The following SSC5D variants were observed in gnomAD, a reference collection of about 807,000 sequenced individuals.
SSC5D encodes the protein soluble scavenger receptor cysteine-rich domain-containing protein SSC5D.
Under a neutral mutation model 104.6 loss-of-function variants are expected in SSC5D, and 106 were observed. That is an observed-to-expected ratio of 1.01 (90% CI 0.87 to 1.19). The LOEUF is 1.19. Ranked by LOEUF, SSC5D falls within the 50% of genes most tolerant of loss-of-function variation. SSC5D has a pLI of 0.00. For missense variants in SSC5D, 1,993 were observed against 2,153.8 expected (o/e 0.93, Z 1.48); for synonymous variants, 860 against 883.5 (o/e 0.97, Z 0.47).
chr19:55,499,016 A>G (rs1350163177), intron 9 of SSC5D, among the ~76,000 whole-genome samples: 1 of 152,216 alleles, frequency 6.6e-6, no homozygotes, highest in Non-Finnish European at 1.5e-5. Context: ...AAGTGGGACA[A>G]CACACATGAG....
In SSC5D at chr19:55,490,348, C is replaced by G; in HGVS notation, c.526C>G (p.Arg176Gly). 2 of 1,515,164 alleles carry G rather than the reference C, an allele frequency of 1.3e-6. No individual in the cohort carries two copies. The highest frequency in any genetic ancestry group is 2.0e-5 in the Admixed American group (1 of 49,388). The allele number at this position is 1,515,164 out of a possible 1,614,324, so 93.9% of individuals were successfully genotyped here. Residue 176 changes from arginine (R) to glycine (G), a missense_variant, in exon 5 of 14, where the codon CGG (arginine) becomes GGG (glycine). Transcript: ENST00000389623. Reference sequence around the variant, plus strand: ...GAACGCCTCCCGGAAGAAGAGCCCCCGGCCCAAGCAGGCCAAGTCCACCCG... The same window carrying G: ...GAACGCCTCCCGGAAGAAGAGCCCCGGGCCCAAGCAGGCCAAGTCCACCCG... ...PQNASRKKSP[R>G]PKQAKSTRAP...
chr19:55,493,987 C>CGAG, intron 7 of SSC5D, 75 bp downstream of exon 7: 1 of 206,422 alleles, frequency 4.8e-6, no homozygotes, highest in South Asian at 1.1e-4. Context: ...TCGGCGGGGG[C>CGAG]GGGGGGGTCC....
In SSC5D at chr19:55,500,360, G is replaced by A. The variant is rs1211782260; in HGVS notation, c.2250G>A (p.Glu750=). The A allele has an allele frequency of 5.8e-6, 9 of 1,551,338 alleles. No individual in the cohort carries two copies. The East Asian group carries it at 2.0e-4, about 34-fold the overall frequency. Residue 750 remains glutamate (E), a synonymous_variant, in exon 10 of 14, where the codon GAG becomes GAA. Coordinates refer to ENST00000389623, the MANE Select transcript of SSC5D (RefSeq NM_001144950.2). The surrounding 1 kb of genome is among the most constrained non-coding windows in gnomAD (Gnocchi z 4.6). ...CTGAGATCCCAGAAGGGTCTCCAGA[G>A]TCACCCAAAGACCCGGCCCCCTCTC... The part of the protein sequence containing the change: ...PSAEIPEGSP[E]SPKDPAPSPS...
At chr19:55,505,806 G>A (rs1056836541) in intron 12 of SSC5D, among the ~76,000 whole-genome samples, 3 of 151,574 alleles carry the variant, frequency 2.0e-5, no homozygotes, top group African/African-American at 7.3e-5. Context: ...GTATGATCTC[G>A]GCTCACTGCA....
chr19:55,518,440 C>G lies in SSC5D; in HGVS notation c.4164C>G (p.Ala1388=). The G allele has an allele frequency of 6.4e-7, 1 of 1,551,384 alleles. No individual in the cohort carries two copies. The highest frequency in any genetic ancestry group is 8.7e-7 in the Non-Finnish European group (1 of 1,146,962). The change falls in exon 14 of 14, where the codon GCC becomes GCG. Residue 1388 remains alanine (A), a synonymous_variant. Coordinates refer to ENST00000389623, the MANE Select transcript of SSC5D (RefSeq NM_001144950.2). ...SQIPTLEPSP[A]LESSPSRSST... is the part of the protein sequence containing the mutation. ...TACCCACCTTAGAGCCCTCTCCAGC[C>G]TTGGAGTCCAGCCCCTCCAGGTCCT...
intron 6 of SSC5D, chr19:55,491,286 T>C (rs1439601474): frequency 1.1e-5 from 7 of 631,168 alleles, no homozygotes; most frequent in Non-Finnish European, 1.6e-5. Flanking sequence ...AGGAGCAGGC[T>C]TGAGGCTTGG....
Position 55,518,884 on chromosome 19 carries a change from G to A in SSC5D, c.4608G>A (p.Gly1536=). ...TGGTAGAAGCTGCCCGGGGTCTGGGGCAGCTGGGTGAGGCTGTGAAGAGAC... is the reference window on the plus strand; with the variant it reads ...TGGTAGAAGCTGCCCGGGGTCTGGGACAGCTGGGTGAGGCTGTGAAGAGAC... ...TQLVEAARGL[G]QLGEAVKRLA... The change falls in exon 14 of 14, where the codon GGG becomes GGA. Residue 1536 remains glycine, a synonymous_variant. Transcript: ENST00000389623. 6.5e-7 allele frequency: 1 copy of A among 1,550,332 alleles called. No homozygotes were observed. Among genetic ancestry groups the A allele is most frequent in the Non-Finnish European group, 8.7e-7 (1 of 1,146,994 alleles).
In SSC5D at chr19:55,500,173, C is replaced by T. The variant is rs1326410997; in HGVS notation, c.2063C>T (p.Ala688Val). The change falls in exon 10 of 14, where the codon GCC becomes GTC. Residue 688 changes from alanine (A) to valine (V), a missense_variant. Ala to Val is a moderately conservative substitution (Grantham distance 64, BLOSUM62 0). This residue lies in a region of SSC5D where 1,101 missense variants were observed against 1,085.0 expected (regional missense o/e 1.01). Transcript: ENST00000389623. This position sits in a 1 kb window ranked among gnomAD's most constrained non-coding sequence, Gnocchi z 4.6. ...TTTACCAGAAGGCCGACCACGGAGG[C>T]CCCCCAGAGATGGACCTCTCACACC... Reference protein sequence around the residue: ...SEFTRRPTTEAPQRWTSHTTA... With the variant: ...SEFTRRPTTEVPQRWTSHTTA... 8 of 1,551,038 alleles carry T rather than the reference C, an allele frequency of 5.2e-6. No homozygotes were observed. Among genetic ancestry groups the T allele is most frequent in the African/African-American group, 1.4e-5 (1 of 72,868 alleles).
At chr19:55,508,470 G>A (rs1013335283) in intron 12 of SSC5D, among the ~76,000 whole-genome samples, 42 of 152,148 alleles carry the variant, frequency 2.8e-4, no homozygotes, top group Admixed American at 9.8e-4. Context: ...GCCTTGTGAG[G>A]TGAGTCCTAT....
rs920080386 is a variant in SSC5D at position 55,489,650 on chromosome 19, G to A, written c.349G>A (p.Val117Ile). The change falls in exon 3 of 14, where the codon GTC becomes ATC. Residue 117 changes from valine to isoleucine, a missense_variant. Val to Ile is a conservative substitution (Grantham distance 29). Coordinates refer to ENST00000389623, the MANE Select transcript of SSC5D (RefSeq NM_001144950.2). ...HICSHEEDAG[V>I]VCAGQRVANS... ...CTGCTCCCACGAGGAGGACGCGGGC[G>A]TCGTCTGCGCAGGTGAGGACACCCT... The A allele has an allele frequency of 2.5e-5, 39 of 1,532,994 alleles. No individual in the cohort carries two copies. The highest frequency in any genetic ancestry group is 4.8e-5 in the South Asian group (4 of 83,688). The allele number at this position is 1,532,994 out of a possible 1,614,324, so 95.0% of individuals were successfully genotyped here.
chr19:55,513,221 G>A (rs887150896), intron 13 of SSC5D, 49 bp downstream of exon 13: 54 of 1,441,816 alleles, frequency 3.7e-5, no homozygotes, highest in Non-Finnish European at 4.9e-5. Context: ...TTTGTCCTGG[G>A]GTAAAGAGAC....
Position 55,498,207 on chromosome 19 carries a change from C to T in SSC5D, c.1705+10C>T. On this transcript the variant is annotated intron_variant, in intron 9 of 13. Transcript: ENST00000389623. Reference sequence around the variant, plus strand: ...GGGGTCACCTGCACTGGTAAGGAGGCCCTAGCTATCTGTTGACTCCAGGAG... The same window carrying T: ...GGGGTCACCTGCACTGGTAAGGAGGTCCTAGCTATCTGTTGACTCCAGGAG... 6.4e-7 allele frequency: 1 copy of T among 1,551,504 alleles called. No homozygotes were observed. Among genetic ancestry groups the T allele is most frequent in the Non-Finnish European group, 8.7e-7 (1 of 1,146,866 alleles).
intron 8 of SSC5D, among the ~76,000 whole-genome samples, chr19:55,496,390 G>C (rs775238221): frequency 6.6e-6 from 1 of 152,210 alleles, no homozygotes; most frequent in Non-Finnish European, 1.5e-5. Context: ...GGTTAACACA[G>C]CTGTCTCCTC....
rs1008138519 is a variant in SSC5D at position 55,498,127 on chromosome 19, C to T, written c.1635C>T (p.Ser545=). The change falls in exon 9 of 14, where the codon TCC becomes TCT. Residue 545 remains serine (S), a synonymous_variant. Transcript: ENST00000389623. ...GTGTGGGGACCGAGGCTTCACTGTC[C>T]GACTGCCCTGCTGCTCCCTGGGGAA... The part of the protein sequence containing the change: ...VGCVGTEASL[S]DCPAAPWGKH... 3.5e-5 allele frequency: 54 copies of T among 1,551,534 alleles called. No individual in the cohort carries two copies. The highest frequency in any genetic ancestry group is 3.2e-4 in the East Asian group (13 of 40,920).
chr19:55,489,828 G>A (rs1259235936), intron 3 of SSC5D, 54 bp from the exon 4 acceptor site: 7 of 1,511,032 alleles, frequency 4.6e-6, no homozygotes, highest in Non-Finnish European at 6.3e-6. Flanking sequence ...GGACCCAAAT[G>A]GCCTGGATTC....
chr19:55,495,901 A>ATTTTTTT (rs36109915), intron 8 of SSC5D, among the ~76,000 whole-genome samples: 2 of 98,710 alleles, frequency 2.0e-5, no homozygotes, highest in African/African-American at 8.2e-5. Context: ...GAGCCTGGCT[A>ATTTTTTT]TTTTTTTTTT....
At chr19:55,507,665 C>CAAAAAAAAAAAAAAAA (rs61340967) in intron 12 of SSC5D, among the ~76,000 whole-genome samples, 1 of 75,948 alleles carries the variant, frequency 1.3e-5, no homozygotes, top group Non-Finnish European at 2.2e-5. Flanking sequence ...GACTCCGTCT[C>CAAAAAAAAAAAAAAAA]AAAAAAAAAA....
chr19:55,518,295 C>T lies in SSC5D; in HGVS notation c.4019C>T (p.Ser1340Phe). Residue 1340 changes from serine (S) to phenylalanine (F), a missense_variant, in exon 14 of 14, where the codon TCC (serine) becomes TTC (phenylalanine). Ser to Phe is a radical substitution (Grantham distance 155). Transcript: ENST00000389623. ...PSSTPVITTV[S>F]LPTSLGTELS... ...TCAACCCCTGTCATCACTACTGTGT[C>T]CCTTCCAACCTCCTTGGGGACAGAA... The T allele has an allele frequency of 6.4e-7, 1 of 1,550,582 alleles. No homozygotes were observed. Among genetic ancestry groups the T allele is most frequent in the Non-Finnish European group, 8.7e-7 (1 of 1,146,812 alleles).
rs1289951857 is a variant in SSC5D, at chr19:55,503,377, T to A, written c.2785+2176T>A. On this transcript the variant is annotated intron_variant, in intron 12 of 13. Coordinates refer to ENST00000389623, the MANE Select transcript of SSC5D (RefSeq NM_001144950.2). The surrounding 1 kb of genome is among the most constrained non-coding windows in gnomAD (Gnocchi z 4.0). Reference sequence around the variant, plus strand: ...CGTCTCCATTTCTCACTGCGTTCTCTCCCCAGGCCCAGCGCTGTGGTATCT... The same window carrying A: ...CGTCTCCATTTCTCACTGCGTTCTCACCCCAGGCCCAGCGCTGTGGTATCT... Among the ~76,000 whole-genome samples, 1 of 152,146 alleles carries A rather than the reference T, an allele frequency of 6.6e-6. No individual in the cohort carries two copies.
Sources: allele counts gnomAD v4.1 joint callset (sites outside exome capture counted in the v4.1 genomes callset), GRCh38; gene constraint gnomAD v4.1.1; regional missense constraint gnomAD v4.1.1; non-coding constraint Gnocchi (gnomAD v3.1); transcripts MANE v1.5; gene names NCBI Gene and HGNC (gene_info 2026-07-23, HGNC 2026-07-21).